Variants in PDCD6 observed in about 807,000 individuals in gnomAD.
PDCD6 encodes the protein programmed cell death 6.
PDCD6 carries 12 observed loss-of-function variants against 28.3 expected under a neutral mutation model. The ratio of observed to expected loss-of-function variants is 0.42; its 90% CI spans 0.27 to 0.69. The LOEUF (loss-of-function observed/expected upper bound fraction) is 0.69, where lower values mean the gene tolerates loss of function less well. PDCD6 is among the 30% of genes least tolerant of loss of function. The pLI, the probability that PDCD6 is intolerant of heterozygous loss-of-function variation, is 0.22. For missense variants in PDCD6, 226 were observed against 269.9 expected, an observed-to-expected ratio of 0.84 and a Z score of 1.14; for synonymous variants, 92 against 108.0, an observed-to-expected ratio of 0.85 and a Z score of 0.92.
rs1739160197 is a variant in PDCD6 at position 289,021 on chromosome 5, C to T, written c.164-15156C>T. ...CCTTCGGAATGTAGTAAATCTTTCT[C>T]AGCTTGAGACACATCAGATTCCTCC... On this transcript the variant is annotated intron_variant, in intron 2 of 5. Transcript: ENST00000264933. 5 of 1,261,224 alleles carry T rather than the reference C, an allele frequency of 4.0e-6. No homozygotes were observed. In the Admixed American group the frequency reaches 6.7e-5, roughly 17 times the overall value. 78.1% of individuals were successfully genotyped at this position (1,261,224 alleles called of 1,614,324 possible). A position where few individuals can be genotyped will look rare whatever the true frequency, so the allele number is the denominator to read the frequency against.
At chr5:294,882 G>C (rs1310350020) in intron 2 of PDCD6, among the ~76,000 whole-genome samples, 1 of 152,116 alleles carries the variant, frequency 6.6e-6, no homozygotes, top group Non-Finnish European at 1.5e-5. Flanking sequence ...AAATGCCCCA[G>C]GTCTCCCAGG....
At chr5:293,030 C>T (rs935004360) in intron 2 of PDCD6, among the ~76,000 whole-genome samples, 7 of 152,174 alleles carry the variant, frequency 4.6e-5, no homozygotes, top group Non-Finnish European at 1.0e-4. Flanking sequence ...AGTTTGTCCC[C>T]TCTCAAGTCT....
chr5:284,377 G>A (rs1484965053), intron 2 of PDCD6, among the ~76,000 whole-genome samples: 5 of 152,110 alleles, frequency 3.3e-5, no homozygotes, highest in Non-Finnish European at 5.9e-5. Context: ...TTTGAGGGTC[G>A]CGTAGCTGAA....
chr5:306,783 T>C (rs774931553), intron 4 of PDCD6, 23 bp downstream of exon 4: 3 of 1,603,298 alleles, frequency 1.9e-6, no homozygotes, highest in African/African-American at 2.7e-5. Context: ...CTCTGGCTTG[T>C]GTAGCGTGTT....
Position 306,640 on chromosome 5 carries a change from A to G in PDCD6, c.247A>G (p.Ser83Gly), listed in dbSNP as rs1740507220. The G allele has an allele frequency of 6.2e-7, 1 of 1,613,936 alleles. No homozygotes were observed. Among genetic ancestry groups the G allele is most frequent in the African/African-American group, 1.3e-5 (1 of 75,046 alleles). The change falls in exon 4 of 6, where the codon AGC becomes GGC. Residue 83 changes from serine to glycine, a missense_variant. Ser to Gly is a moderately conservative substitution (Grantham distance 56). Around this residue, in one of 3 missense-constraint regions of PDCD6, gnomAD observed 151 missense variants for 177.2 expected, o/e 0.85. Coordinates refer to ENST00000264933, the MANE Select transcript of PDCD6 (RefSeq NM_013232.4). ...TGAGAACAAGGCCGGCGTGAACTTC[A>G]GCGAGTTCACGGGTGTGTGGAAGTA... ...DRENKAGVNF[S>G]EFTGVWKYIT...
intron 2 of PDCD6, chr5:275,987 CT>C (rs1738170815): frequency 7.8e-7 from 1 of 1,286,456 alleles, no homozygotes; most frequent in Non-Finnish European, 1.0e-6. Flanking sequence ...GGGCTCTAAG[CT>C]TCTTCTGCCT....
chr5:299,493 A>G (rs1204943383), intron 2 of PDCD6, among the ~76,000 whole-genome samples: 1 of 151,510 alleles, frequency 6.6e-6, no homozygotes, highest in African/African-American at 2.4e-5. Context: ...AACTTTTTTC[A>G]AGTCTCTGTG....
intron 4 of PDCD6, chr5:310,114 C>T: frequency 5.0e-6 from 1 of 201,530 alleles, no homozygotes; most frequent in South Asian, 6.4e-5. Flanking sequence ...GCAGGCTGGG[C>T]TCAGCCCTGG....
Position 311,298 on chromosome 5 carries a change from C to T in PDCD6, c.373C>T (p.Arg125Trp), listed in dbSNP as rs1416762592. The T allele has an allele frequency of 7.4e-6, 12 of 1,613,522 alleles. No individual in the cohort carries two copies. The highest frequency in any genetic ancestry group is 2.2e-5 in the South Asian group (2 of 91,056). ...LKQALSGFGYRLSDQFHDILI... is the reference protein window; with the variant it reads ...LKQALSGFGYWLSDQFHDILI... ...TCTGACTTTCCCTCTTGAAGGCTAC[C>T]GGCTCTCTGACCAGTTCCACGACAT... The change falls in exon 5 of 6, where the codon CGG (arginine) becomes TGG (tryptophan). Residue 125 changes from arginine (R) to tryptophan (W), a missense_variant. Transcript: ENST00000264933.
chr5:286,928 T>C (rs1739006902), intron 2 of PDCD6, among the ~76,000 whole-genome samples: 1 of 151,934 alleles, frequency 6.6e-6, no homozygotes, highest in Non-Finnish European at 1.5e-5. Flanking sequence ...TTAGTGTTTC[T>C]AGTTGAGGGT....
chr5:276,202 C>T (rs7705234), intron 2 of PDCD6: 159,699 of 1,089,996 alleles, frequency 0.15, 15,227 homozygotes, highest in African/African-American at 0.52. Flanking sequence ...GCACTCCAGC[C>T]TGGGAGACAG....
chr5:295,196 TAAAA>T (rs941475196), intron 2 of PDCD6, among the ~76,000 whole-genome samples: 2 of 143,866 alleles, frequency 1.4e-5, no homozygotes, highest in Non-Finnish European at 3.0e-5. Flanking sequence ...AAAAACATAT[TAAAA>T]AAAACTCTTA....
chr5:278,292 C>G (rs1406294234), intron 2 of PDCD6, among the ~76,000 whole-genome samples: 3 of 151,942 alleles, frequency 2.0e-5, no homozygotes, highest in African/African-American at 4.8e-5. Flanking sequence ...TGTCCAGGCA[C>G]TGGGGATAGG....
chr5:311,183 C>T (rs1380779074), intron 4 of PDCD6, 110 bp from the exon 5 acceptor site: 5 of 790,350 alleles, frequency 6.3e-6, no homozygotes, highest in Middle Eastern at 4.5e-4. Context: ...TCCCACACAG[C>T]CTTGCATTGT....
At chr5:277,005 A>C (rs893151232) in intron 2 of PDCD6, 96 of 936,962 alleles carry the variant, frequency 1.0e-4, no homozygotes, top group Admixed American at 1.2e-4. Context: ...TCTTGGAATT[A>C]TAAGAAATTA....
intron 1 of PDCD6, 45 bp from the exon 2 acceptor site, chr5:272,666 C>T (rs761000558): frequency 7.8e-6 from 12 of 1,548,242 alleles, no homozygotes; most frequent in Non-Finnish European, 1.1e-5. Context: ...TTTGCTTTTC[C>T]TGAACTTTCG....
At position 294,728 on chromosome 5, in the gene PDCD6, A is replaced by T. The variant is rs371820194; in HGVS notation, c.164-9449A>T. Among the ~76,000 whole-genome samples, 11 of 152,360 alleles carry T rather than the reference A, an allele frequency of 7.2e-5. No individual in the cohort carries two copies. In the East Asian group the frequency reaches 1.9e-3, roughly 27 times the overall value. ...CAAGAGAAAACTTAAACGTGCATGC[A>T]CAAACCTGCACACAAGTGTTTAGGC... On this transcript the variant is annotated intron_variant, in intron 2 of 5. Transcript: ENST00000264933.
At chr5:276,111 C>T (rs1738181605) in intron 2 of PDCD6, 2 of 1,005,548 alleles carry the variant, frequency 2.0e-6, no homozygotes, top group South Asian at 1.4e-5. Flanking sequence ...CGCCTGTATT[C>T]CCAGCTACTT....
rs117277148 is a variant in PDCD6, at chr5:286,720, C to T, written c.163+13948C>T. On this transcript the variant is annotated intron_variant, in intron 2 of 5. Transcript: ENST00000264933. ...AGACCTGGGGAGGAGCTGATGTTCCCGTTTGAGGGCCGTGCAGGTGGAGAC... is the reference window on the plus strand; with the variant it reads ...AGACCTGGGGAGGAGCTGATGTTCCTGTTTGAGGGCCGTGCAGGTGGAGAC... 4.1e-4 allele frequency among the ~76,000 whole-genome samples: 59 copies of T among 145,388 alleles called. 1 individual carries two copies. The East Asian group carries it at 0.011, about 28-fold the overall frequency.
Sources: gnomAD v4.1 joint callset for allele counts (sites outside exome capture counted in the v4.1 genomes callset) on GRCh38, gnomAD v4.1.1 for gene constraint, gnomAD v4.1.1 regional missense constraint, MANE v1.5 for transcripts, NCBI Gene and HGNC (gene_info 2026-07-23, HGNC 2026-07-21) for gene names.